The following ACVRL1 variants were observed in gnomAD, a reference collection of about 807,000 sequenced individuals.
ACVRL1 encodes the protein activin A receptor like type 1.
A neutral mutation model predicts 51.9 loss-of-function variants in ACVRL1; 20 were observed. The observed-to-expected ratio is 0.39, with a 90% CI of 0.27 to 0.56. The LOEUF (loss-of-function observed/expected upper bound fraction) is 0.56, where lower values mean the gene tolerates loss of function less well. Among genes scored for constraint, ACVRL1 ranks in the 20% least tolerant of loss-of-function variants. ACVRL1 has a pLI of 0.67. For missense variants in ACVRL1, 451 were observed against 670.3 expected (o/e 0.67, Z 3.61); for synonymous variants, 288 against 280.9 (o/e 1.03, Z -0.25).
In ACVRL1 at chr12:51,914,413, C is replaced by T. The variant is rs752469764; in HGVS notation, c.626-26C>T. The T allele has an allele frequency of 4.3e-6, 7 of 1,614,098 alleles. No homozygotes were observed. The Admixed American group carries it at 8.3e-5, about 19-fold the overall frequency. On this transcript the variant is annotated intron_variant, in intron 5 of 9. Coordinates refer to ENST00000388922, the MANE Select transcript of ACVRL1 (RefSeq NM_000020.3). The stretch of plus-strand genomic sequence containing the variant: ...AGGGCTCTGTGTGCCCAGTGTGTAA[C>T]CCTCACCTTCCCCTCTGGCCATCAG...
intron 8 of ACVRL1, 61 bp from the exon 9 acceptor site, chr12:51,918,924 T>G: frequency 6.2e-7 from 1 of 1,613,990 alleles, no homozygotes; most frequent in African/African-American, 1.3e-5. Flanking sequence ...GGCTCTCCTC[T>G]GGGTGGTATT....
chr12:51,910,362 G>C (rs1463108718), intron 1 of ACVRL1, among the ~76,000 whole-genome samples: 2 of 152,146 alleles, frequency 1.3e-5, no homozygotes, highest in African/African-American at 4.8e-5. Flanking sequence ...TTAGCGTTGT[G>C]CCCACACAAA....
At position 51,918,976 on chromosome 12, in the gene ACVRL1, C is replaced by T. The variant is rs111816979; in HGVS notation, c.1247-9C>T. 9.9e-6 allele frequency: 16 copies of T among 1,614,206 alleles called. No homozygotes were observed. The highest frequency in any genetic ancestry group is 6.7e-5 in the African/African-American group (5 of 75,042). On this transcript the variant is annotated splice_polypyrimidine_tract_variant and intron_variant, in intron 8 of 9. Transcript: ENST00000388922. ...CCAAGTGATTGTCCTGTCCATTCTCCATTTCCAGGCATCGTGGAGGACTAT... is the reference window on the plus strand; with the variant it reads ...CCAAGTGATTGTCCTGTCCATTCTCTATTTCCAGGCATCGTGGAGGACTAT...
chr12:51,915,941 T>G, intron 7 of ACVRL1, 95 bp from the exon 8 acceptor site: 1 of 1,399,332 alleles, frequency 7.1e-7, no homozygotes, highest in Non-Finnish European at 9.8e-7. Context: ...TGCCTTCCCC[T>G]CTCTGTCCCA....
At chr12:51,918,415 T>TC (rs1341614322) in intron 8 of ACVRL1, among the ~76,000 whole-genome samples, 1 of 152,238 alleles carries the variant, frequency 6.6e-6, no homozygotes, top group Non-Finnish European at 1.5e-5. Context: ...GAGCTCATAG[T>TC]ATTACCTACC....
At chr12:51,910,858 T>TC (rs1192891224) in intron 1 of ACVRL1, among the ~76,000 whole-genome samples, 1 of 151,970 alleles carries the variant, frequency 6.6e-6, no homozygotes, top group Non-Finnish European at 1.5e-5. Context: ...CTCTGTTTCC[T>TC]CCCCCAGCCT....
In ACVRL1 at chr12:51,914,093, G is replaced by A. The variant is rs749838611; in HGVS notation, c.625+20G>A. 4 of 1,608,160 alleles carry A rather than the reference G, an allele frequency of 2.5e-6. No individual in the cohort carries two copies. Among genetic ancestry groups the A allele is most frequent in the East Asian group, 2.2e-5 (1 of 44,676 alleles). On this transcript the variant is annotated intron_variant, in intron 5 of 9. Transcript: ENST00000388922. ...GTGTGGGTGAGCAGTGGGTGAGCCC[G>A]GTGGATGAGGACCAAGGGCTCTCAT...
rs777206350 is a variant in ACVRL1, at chr12:51,913,583, C to T, written c.338C>T (p.Pro113Leu). The change falls in exon 4 of 10, where the codon CCG (proline) becomes CTG (leucine). Residue 113 changes from proline (P) to leucine (L), a missense_variant. Pro to Leu is a moderately conservative substitution (Grantham distance 98). This residue lies in a region of ACVRL1 where 192 missense variants were observed against 216.9 expected (regional missense o/e 0.89). Coordinates refer to ENST00000388922, the MANE Select transcript of ACVRL1 (RefSeq NM_000020.3). The stretch of plus-strand genomic sequence containing the variant: ...GCCACCCAACCTCCTTCGGAGCAGC[C>T]GGGAACAGATGGCCAGCTGGCCCTG... ...LEATQPPSEQ[P>L]GTDGQLALIL... is the part of the protein sequence containing the mutation. The T allele has an allele frequency of 6.9e-6, 11 of 1,599,234 alleles. No individual in the cohort carries two copies. Among genetic ancestry groups the T allele is most frequent in the South Asian group, 4.4e-5 (4 of 90,938 alleles).
In ACVRL1 at chr12:51,914,420, C is replaced by T. The variant is rs1490187287; in HGVS notation, c.626-19C>T. 48 of 1,614,030 alleles carry T rather than the reference C, an allele frequency of 3.0e-5. No individual in the cohort carries two copies. Among genetic ancestry groups the T allele is most frequent in the Non-Finnish European group, 3.9e-5 (46 of 1,180,006 alleles). On this transcript the variant is annotated intron_variant, in intron 5 of 9. Coordinates refer to ENST00000388922, the MANE Select transcript of ACVRL1 (RefSeq NM_000020.3). ...TGTGTGCCCAGTGTGTAACCCTCAC[C>T]TTCCCCTCTGGCCATCAGGAAAAGG...
chr12:51,917,990 A>G lies in ACVRL1; in HGVS notation c.1247-995A>G, dbSNP rs1401782584. ...CAGCACTGATTAGGGCGTGAGCGGCACAGGGGCCGGCCTGGAAGCTGGCCA... is the reference window on the plus strand; with the variant it reads ...CAGCACTGATTAGGGCGTGAGCGGCGCAGGGGCCGGCCTGGAAGCTGGCCA... On this transcript the variant is annotated intron_variant, in intron 8 of 9. Transcript: ENST00000388922. This position sits in a 1 kb window ranked among gnomAD's most constrained non-coding sequence, Gnocchi z 4.2. Among the ~76,000 whole-genome samples, 1 of 152,234 alleles carries G rather than the reference A, an allele frequency of 6.6e-6. No individual in the cohort carries two copies. Among genetic ancestry groups the G allele is most frequent in the Non-Finnish European group, 1.5e-5 (1 of 68,042 alleles).
At chr12:51,914,717 T>TTTAAC (rs1167179973) in intron 6 of ACVRL1, 132 bp downstream of exon 6, 1 of 90,900 alleles carries the variant, frequency 1.1e-5, no homozygotes, top group East Asian at 2.4e-4. Context: ...AACCTCTTTT[T>TTTAAC]TTAATTTAAT....
rs759053428 is a variant in ACVRL1, at chr12:51,912,445, C to A, written c.-5-25C>A. On this transcript the variant is annotated intron_variant, in intron 1 of 9. Coordinates refer to ENST00000388922, the MANE Select transcript of ACVRL1 (RefSeq NM_000020.3). ...GCTGTCACACTTCATGGCTCTTACTCCACCTCTCTTGCTCCTCTCTGCAGG... is the reference window on the plus strand; with the variant it reads ...GCTGTCACACTTCATGGCTCTTACTACACCTCTCTTGCTCCTCTCTGCAGG... 4 of 1,613,502 alleles carry A rather than the reference C, an allele frequency of 2.5e-6. 1 individual carries two copies. In the South Asian group the frequency reaches 4.4e-5, roughly 18 times the overall value.
chr12:51,908,141 G>C (rs1369434683), intron 1 of ACVRL1, among the ~76,000 whole-genome samples: 2 of 152,164 alleles, frequency 1.3e-5, no homozygotes, highest in Admixed American at 1.3e-4. Flanking sequence ...GCTGTTGCTT[G>C]AGGAATCTGA....
Position 51,913,226 on chromosome 12 carries a change from C to T in ACVRL1, c.189C>T (p.Pro63=), listed in dbSNP as rs764124308. 6.3e-7 allele frequency: 1 copy of T among 1,589,812 alleles called. No homozygotes were observed. Among genetic ancestry groups the T allele is most frequent in the East Asian group, 2.3e-5 (1 of 43,934 alleles). ...VVLVREEGRH[P]QEHRGCGNLH... The stretch of plus-strand genomic sequence containing the variant: ...TGGTGCGGGAGGAGGGGAGGCACCC[C>T]CAGGAACATCGGGGCTGCGGGAACT... The change falls in exon 3 of 10, where the codon CCC becomes CCT. Residue 63 remains proline, a synonymous_variant. Coordinates refer to ENST00000388922, the MANE Select transcript of ACVRL1 (RefSeq NM_000020.3).
At chr12:51,920,678 G>A in intron 9 of ACVRL1, 81 bp from the exon 10 acceptor site, 3 of 1,516,280 alleles carry the variant, frequency 2.0e-6, no homozygotes, top group South Asian at 1.2e-5. Context: ...ACCTCCCTCT[G>A]CATCTCTCTC....
intron 3 of ACVRL1, 48 bp from the exon 4 acceptor site, chr12:51,913,511 G>T: frequency 6.4e-7 from 1 of 1,566,838 alleles, no homozygotes. Flanking sequence ...CCCGAGGTGG[G>T]GGGAGCTGAC....
intron 8 of ACVRL1, 96 bp downstream of exon 8, chr12:51,916,329 G>A: frequency 3.6e-6 from 5 of 1,384,738 alleles, no homozygotes; most frequent in Non-Finnish European, 4.9e-6. Flanking sequence ...TGGGAGGTTT[G>A]CAGTCAGACC....
Position 51,923,195 on chromosome 12 carries a change from AAGG to A in ACVRL1, c.*2306_*2308del, listed in dbSNP as rs1384739280. On this transcript the variant is annotated 3_prime_UTR_variant, in exon 10 of 10. Transcript: ENST00000388922. ...AAGGGGGCCCAATGGCCAGGGAGTG[AAGG>A]AGGTGGCGTTGCTGAGAGCAGTCTG... is the stretch of plus-strand genomic sequence containing the variant. The A allele has an allele frequency of 3.9e-5, 6 of 152,384 alleles. No homozygotes were observed. The highest frequency in any genetic ancestry group is 1.4e-4 in the African/African-American group (6 of 41,404). 9.4% of individuals were successfully genotyped at this position (152,384 alleles called of 1,614,324 possible). A position where few individuals can be genotyped will look rare whatever the true frequency, so the allele number is the denominator to read the frequency against.
chr12:51,920,485 C>A (rs1264709943), intron 9 of ACVRL1, among the ~76,000 whole-genome samples: 1 of 152,174 alleles, frequency 6.6e-6, no homozygotes, highest in African/African-American at 2.4e-5. Context: ...CCCTTTCTCA[C>A]TCTACTCTCT....
Sources: allele counts gnomAD v4.1 joint callset (sites outside exome capture counted in the v4.1 genomes callset), GRCh38; gene constraint gnomAD v4.1.1; regional missense constraint gnomAD v4.1.1; non-coding constraint Gnocchi (gnomAD v3.1); transcripts MANE v1.5; gene names NCBI Gene and HGNC (gene_info 2026-07-23, HGNC 2026-07-21).